Variants in LYPD6B observed in about 807,000 individuals in gnomAD.
The protein encoded by LYPD6B is LY6/PLAUR domain containing 6B, also known as ly6/PLAUR domain-containing protein 6B.
A neutral mutation model predicts 22.8 loss-of-function variants in LYPD6B; 17 were observed. The ratio of observed to expected loss-of-function variants is 0.75; its 90% CI spans 0.51 to 1.12. The LOEUF (loss-of-function observed/expected upper bound fraction) is 1.12. Among genes scored for constraint, LYPD6B ranks in the 50% most tolerant of loss-of-function variants. LYPD6B has a pLI of 0.00. For missense variants in LYPD6B, 221 were observed against 258.3 expected, an observed-to-expected ratio of 0.86 and a Z score of 0.99; for synonymous variants, 106 against 91.6, an observed-to-expected ratio of 1.16 and a Z score of -0.90.
intron 3 of LYPD6B, among the ~76,000 whole-genome samples, chr2:149,165,885 G>C (rs925560723): frequency 6.6e-6 from 1 of 152,140 alleles, no homozygotes; most frequent in Non-Finnish European, 1.5e-5. Flanking sequence ...TTTAGAGATG[G>C]TTGCTAGGCC....
chr2:149,103,781 T>TC (rs1391328012), intron 1 of LYPD6B, among the ~76,000 whole-genome samples: 1 of 143,252 alleles, frequency 7.0e-6, no homozygotes, highest in African/African-American at 2.6e-5. Flanking sequence ...CTTTTTTTTT[T>TC]TTTTTTTTTT....
At chr2:149,191,349 G>C (rs1692476596) in intron 3 of LYPD6B, among the ~76,000 whole-genome samples, 1 of 151,974 alleles carries the variant, frequency 6.6e-6, no homozygotes, top group Non-Finnish European at 1.5e-5. Flanking sequence ...TTTTGGAAAT[G>C]TTTATGGCTT....
intron 3 of LYPD6B, among the ~76,000 whole-genome samples, chr2:149,192,994 T>C (rs1692592091): frequency 6.6e-6 from 1 of 152,100 alleles, no homozygotes; most frequent in Non-Finnish European, 1.5e-5. Flanking sequence ...GAGTGATTAT[T>C]ACCCACAGCA....
chr2:149,142,738 A>C (rs1323165647), intron 2 of LYPD6B, among the ~76,000 whole-genome samples: 1 of 152,114 alleles, frequency 6.6e-6, no homozygotes, highest in Admixed American at 6.6e-5. Flanking sequence ...TCCTGGTCTC[A>C]AGTGATCCTT....
In LYPD6B at chr2:149,144,424, C is replaced by T. The variant is rs183368324; in HGVS notation, c.5+13471C>T. Among the ~76,000 whole-genome samples, 42 of 152,150 alleles carry T rather than the reference C, an allele frequency of 2.8e-4. 1 individual carries two copies. The highest frequency in any genetic ancestry group is 3.4e-3 in the Middle Eastern group (1 of 294). ...TGTTTGTTTTCGAGACAGAGTCTCC[C>T]CCTGTCACCCAGGCTGGAATGCAGT... On this transcript the variant is annotated intron_variant, in intron 2 of 6. Coordinates refer to ENST00000409642, the MANE Select transcript of LYPD6B (RefSeq NM_177964.5).
intron 1 of LYPD6B, among the ~76,000 whole-genome samples, chr2:149,059,804 T>C (rs1287750554): frequency 6.6e-6 from 1 of 152,234 alleles, no homozygotes. Flanking sequence ...GAGAACTTTC[T>C]GGAGCCTGGG....
At chr2:149,122,689 G>A (rs541055589) in intron 1 of LYPD6B, among the ~76,000 whole-genome samples, 2 of 151,536 alleles carry the variant, frequency 1.3e-5, no homozygotes, top group Admixed American at 6.6e-5. Context: ...ACATACTCAG[G>A]GCAGCTTGTC....
At chr2:149,165,715 G>A (rs1690373542) in intron 3 of LYPD6B, among the ~76,000 whole-genome samples, 1 of 152,180 alleles carries the variant, frequency 6.6e-6, no homozygotes, top group African/African-American at 2.4e-5. Context: ...AAGTCATACA[G>A]CTAAGTCGTA....
chr2:149,169,741 AAT>A (rs1690692287), intron 3 of LYPD6B, among the ~76,000 whole-genome samples: 3 of 152,156 alleles, frequency 2.0e-5, no homozygotes, highest in Middle Eastern at 6.3e-3. Flanking sequence ...GCAGACTTTA[AAT>A]ACAGGGTTTT....
chr2:149,048,897 A>C (rs771944407), intron 1 of LYPD6B, among the ~76,000 whole-genome samples: 1 of 152,144 alleles, frequency 6.6e-6, no homozygotes, highest in Non-Finnish European at 1.5e-5. Flanking sequence ...CTCAGCCCTT[A>C]CTTGGGAAGC....
chr2:149,144,850 C>A (rs1688917973), intron 2 of LYPD6B, among the ~76,000 whole-genome samples: 1 of 152,196 alleles, frequency 6.6e-6, no homozygotes, highest in East Asian at 1.9e-4. Context: ...TCAAATACAG[C>A]AAATTTCACA....
intron 1 of LYPD6B, among the ~76,000 whole-genome samples, chr2:149,045,460 G>T (rs1165938056): frequency 6.6e-6 from 1 of 151,754 alleles, no homozygotes; most frequent in Non-Finnish European, 1.5e-5. Context: ...CTTTGCTTAG[G>T]TTTAATGTAC....
chr2:149,130,885 A>G lies in LYPD6B; in HGVS notation c.-64A>G. The G allele has an allele frequency of 7.9e-7, 1 of 1,261,622 alleles. No individual in the cohort carries two copies. Among genetic ancestry groups the G allele is most frequent in the Non-Finnish European group, 1.2e-6 (1 of 861,612 alleles). The allele number at this position is 1,261,622 out of a possible 1,614,324, so 78.2% of individuals were successfully genotyped here. A position where few individuals can be genotyped will look rare whatever the true frequency, so the allele number is the denominator to read the frequency against. ...CCTTTTCATGTTCATTTGTTTAGAT[A>G]TGCCACACTTCTGCCTGCTGTTGGC... On this transcript the variant is annotated splice_region_variant and 5_prime_UTR_variant, in exon 2 of 7. In the 5' UTR this introduces an upstream ATG that the reference lacks. Coordinates refer to ENST00000409642, the MANE Select transcript of LYPD6B (RefSeq NM_177964.5).
chr2:149,109,869 G>A (rs1686673733), intron 1 of LYPD6B, among the ~76,000 whole-genome samples: 1 of 138,786 alleles, frequency 7.2e-6, no homozygotes, highest in African/African-American at 2.9e-5. Context: ...ATGCCACCAT[G>A]CCCAGCTAAT....
chr2:149,213,677 A>G (rs890710279), intron 6 of LYPD6B, among the ~76,000 whole-genome samples: 2 of 152,248 alleles, frequency 1.3e-5, no homozygotes, highest in African/African-American at 4.8e-5. Flanking sequence ...TAATAAGTAC[A>G]GAAAATGATT....
At chr2:149,100,479 G>A (rs1471653) in intron 1 of LYPD6B, among the ~76,000 whole-genome samples, 32,313 of 148,484 alleles carry the variant, frequency 0.22, 4,385 homozygotes, top group East Asian at 0.5. Flanking sequence ...TTGTCTCTGG[G>A]TATGGGGCAT....
At position 149,214,605 on chromosome 2, in the gene LYPD6B, T is replaced by G. The variant is rs1694078965; in HGVS notation, c.519T>G (p.Thr173=). The change falls in exon 7 of 7, where the codon ACT becomes ACG. Residue 173 remains threonine (T), a synonymous_variant. Transcript: ENST00000409642. ...ICNVELPTNH[T]NAVFAVMHAQ... is the part of the protein sequence containing the mutation. ...ATGTAGAATTACCCACCAATCACAC[T>G]AATGCAGTGTTTGCCGTAATGCACG... is the stretch of plus-strand genomic sequence containing the variant. The G allele has an allele frequency of 6.2e-7, 1 of 1,613,828 alleles. No individual in the cohort carries two copies. Among genetic ancestry groups the G allele is most frequent in the South Asian group, 1.1e-5 (1 of 91,092 alleles).
In LYPD6B at chr2:149,214,854, T is replaced by C; in HGVS notation, c.*144T>C. On this transcript the variant is annotated 3_prime_UTR_variant, in exon 7 of 7. Transcript: ENST00000409642. ...CTCAAGGCGAAAGCCAGTGGTTTGC[T>C]TGGATAAAATGTTCCCGCATGAGGC... is the stretch of plus-strand genomic sequence containing the variant. The C allele has an allele frequency of 1.1e-6, 1 of 874,304 alleles. No homozygotes were observed. Among genetic ancestry groups the C allele is most frequent in the Middle Eastern group, 3.5e-4 (1 of 2,852 alleles). 54.2% of individuals were successfully genotyped at this position (874,304 alleles called of 1,614,324 possible).
intron 3 of LYPD6B, among the ~76,000 whole-genome samples, chr2:149,202,118 T>A (rs1267595591): frequency 6.6e-6 from 1 of 152,222 alleles, no homozygotes; most frequent in Non-Finnish European, 1.5e-5. Context: ...TCCATATTCC[T>A]CTATGTTCAC....
Sources: gnomAD v4.1 joint callset for allele counts (sites outside exome capture counted in the v4.1 genomes callset) on GRCh38, gnomAD v4.1.1 for gene constraint, MANE v1.5 for transcripts, NCBI Gene and HGNC (gene_info 2026-07-23, HGNC 2026-07-21) for gene names.